The following PPP4R1 variants were observed in gnomAD, a reference collection of about 807,000 sequenced individuals.
PPP4R1 encodes serine/threonine-protein phosphatase 4 regulatory subunit 1.
A neutral mutation model predicts 111.2 loss-of-function variants in PPP4R1; 42 were observed. That is an observed-to-expected ratio of 0.38 (90% CI 0.29 to 0.49). The LOEUF is 0.49. Among genes scored for constraint, PPP4R1 ranks in the 20% least tolerant of loss-of-function variants. The pLI is 0.97. For synonymous variants in PPP4R1, 409 were observed against 405.5 expected (o/e 1.01, Z -0.10); for missense variants, 1,012 against 1,161.6 (o/e 0.87, Z 1.87).
In PPP4R1 at chr18:9,614,374, C is replaced by T. The variant is rs1349160420; in HGVS notation, c.7+104G>A. ...CCCGCCCCGGGGGCGCCTTCCCGCGCCGGGACCCCACGCCGGCCCCGGCCC... is the reference window on the plus strand; with the variant it reads ...CCCGCCCCGGGGGCGCCTTCCCGCGTCGGGACCCCACGCCGGCCCCGGCCC... On this transcript the variant is annotated intron_variant, in intron 1 of 19. Coordinates refer to ENST00000400556, the MANE Select transcript of PPP4R1 (RefSeq NM_001042388.3). The surrounding 1 kb of genome is among the most constrained non-coding windows in gnomAD (Gnocchi z 4.1). 24 of 1,030,990 alleles carry T rather than the reference C, an allele frequency of 2.3e-5. 2 individuals carry two copies. The East Asian group carries it at 1.9e-3, about 81-fold the overall frequency. The allele number at this position is 1,030,990 out of a possible 1,614,324, so 63.9% of individuals were successfully genotyped here. A position where few individuals can be genotyped will look rare whatever the true frequency, so the allele number is the denominator to read the frequency against.
At chr18:9,552,245 A>T (rs1305427345) in intron 16 of PPP4R1, among the ~76,000 whole-genome samples, 1 of 152,140 alleles carries the variant, frequency 6.6e-6, no homozygotes. Flanking sequence ...AGACTTGGAT[A>T]GACATTTCTC....
In PPP4R1 at chr18:9,549,322, T is replaced by A. The variant is rs778314934; in HGVS notation, c.2564A>T (p.Asp855Val). 6.2e-7 allele frequency: 1 copy of A among 1,608,220 alleles called. No homozygotes were observed. Among genetic ancestry groups the A allele is most frequent in the Non-Finnish European group, 8.5e-7 (1 of 1,174,844 alleles). Reference protein sequence around the residue: ...VFVCQTVIEDDCLPMDQFAVH... With the variant: ...VFVCQTVIEDVCLPMDQFAVH... The stretch of plus-strand genomic sequence containing the variant: ...AGCAAACTGGTCCATGGGAAGGCAG[T>A]CATCCTCAATGACAGTCTGGGGAAG... Residue 855 changes from aspartate (D) to valine (V), a missense_variant, in exon 19 of 20, where the codon GAC becomes GTC. Asp to Val is a radical substitution (Grantham distance 152). Around this residue, in one of 2 missense-constraint regions of PPP4R1, gnomAD observed 305 missense variants for 419.5 expected, o/e 0.73. Transcript: ENST00000400556.
chr18:9,572,116 A>G (rs941445926), intron 10 of PPP4R1, among the ~76,000 whole-genome samples: 1 of 152,224 alleles, frequency 6.6e-6, no homozygotes, highest in Non-Finnish European at 1.5e-5. Flanking sequence ...CAAGAAAGCT[A>G]ACAGGTTCAG....
intron 2 of PPP4R1, among the ~76,000 whole-genome samples, chr18:9,606,045 G>A (rs1267069737): frequency 6.6e-6 from 1 of 152,104 alleles, no homozygotes; most frequent in Non-Finnish European, 1.5e-5. Context: ...CTTTTGTATA[G>A]GTCTGAAAGT....
chr18:9,610,964 G>A (rs746324657), intron 2 of PPP4R1, among the ~76,000 whole-genome samples: 1 of 151,392 alleles, frequency 6.6e-6, no homozygotes, highest in Non-Finnish European at 1.5e-5. Flanking sequence ...GTCAGTCTTT[G>A]ACCAACCTTT....
chr18:9,598,001 A>G (rs986420606), intron 2 of PPP4R1, among the ~76,000 whole-genome samples: 1 of 152,200 alleles, frequency 6.6e-6, no homozygotes, highest in African/African-American at 2.4e-5. Context: ...GATACGAAAG[A>G]CCTAAATTGA....
At chr18:9,574,088 C>G (rs2066902228) in intron 10 of PPP4R1, among the ~76,000 whole-genome samples, 1 of 152,134 alleles carries the variant, frequency 6.6e-6, no homozygotes, top group South Asian at 2.1e-4. Context: ...TCCTAATTGT[C>G]AGACTTTGAA....
At chr18:9,564,926 A>G (rs1407063108) in intron 11 of PPP4R1, among the ~76,000 whole-genome samples, 1 of 151,762 alleles carries the variant, frequency 6.6e-6, no homozygotes, top group Non-Finnish European at 1.5e-5. Flanking sequence ...TCACTGAAGC[A>G]CTGAACCCCT....
Position 9,564,712 on chromosome 18 carries a change from G to T in PPP4R1, c.1574-1162C>A, listed in dbSNP as rs12327541. Among the ~76,000 whole-genome samples, 6 of 84,932 alleles carry T rather than the reference G, an allele frequency of 7.1e-5. No individual in the cohort carries two copies. The East Asian group carries it at 1.9e-3, about 27-fold the overall frequency. The allele number at this position is 84,932 out of a possible 152,430, so 55.7% of individuals were successfully genotyped here. ...TAAAGTGCATGGTGTGTGTGTGTGT[G>T]TGTGTGTGTGTGTGTGTGTGTGTGT... On this transcript the variant is annotated intron_variant, in intron 11 of 19. Transcript: ENST00000400556.
chr18:9,587,162 G>A (rs981227109), intron 6 of PPP4R1, among the ~76,000 whole-genome samples: 3 of 152,144 alleles, frequency 2.0e-5, no homozygotes, highest in Admixed American at 1.3e-4. Flanking sequence ...GGGTTCAAGT[G>A]TTTCTTCGTT....
intron 2 of PPP4R1, among the ~76,000 whole-genome samples, chr18:9,600,196 CAA>C (rs57840721): frequency 0.43 from 47,275 of 108,776 alleles, 9,263 homozygotes; most frequent in Non-Finnish European, 0.48. Context: ...TTCTATTTCC[CAA>C]AAAAAAAAAA....
chr18:9,565,261 A>G (rs1028699550), intron 11 of PPP4R1, among the ~76,000 whole-genome samples: 75 of 152,292 alleles, frequency 4.9e-4, no homozygotes, highest in Non-Finnish European at 8.8e-5. Flanking sequence ...AACTTAAATG[A>G]TAAATGTGTG....
At chr18:9,599,019 C>T (rs1232037915) in intron 2 of PPP4R1, among the ~76,000 whole-genome samples, 5 of 151,500 alleles carry the variant, frequency 3.3e-5, no homozygotes, top group African/African-American at 7.3e-5. Flanking sequence ...AAGCAAGACC[C>T]TGTCTCCAGA....
At chr18:9,577,444 C>G (rs538172463) in intron 9 of PPP4R1, among the ~76,000 whole-genome samples, 3 of 152,132 alleles carry the variant, frequency 2.0e-5, no homozygotes, top group African/African-American at 7.2e-5. Flanking sequence ...CTGGGCAGAT[C>G]GCTTGAGTCC....
chr18:9,584,820 G>A lies in PPP4R1; in HGVS notation c.594C>T (p.Cys198=). The A allele has an allele frequency of 6.2e-7, 1 of 1,609,568 alleles. No individual in the cohort carries two copies. The highest frequency in any genetic ancestry group is 8.5e-7 in the Non-Finnish European group (1 of 1,176,986). ...CCTTCCCAACCATGGGAGCCATTTT[G>A]CACATTATCTAAAATAAGTAAGAAC... The part of the protein sequence containing the change: ...DVKTEAVAIM[C]KMAPMVGKDI... The change falls in exon 7 of 20, where the codon TGC becomes TGT. Residue 198 remains cysteine (C), a synonymous_variant. Coordinates refer to ENST00000400556, the MANE Select transcript of PPP4R1 (RefSeq NM_001042388.3).
Position 9,560,849 on chromosome 18 carries a change from G to A in PPP4R1, c.1842+1131C>T, listed in dbSNP as rs142342981. On this transcript the variant is annotated intron_variant, in intron 13 of 19. Coordinates refer to ENST00000400556, the MANE Select transcript of PPP4R1 (RefSeq NM_001042388.3). ...TGCACTCCAGCCTGGGTGACAGAGC[G>A]GAGACCCCATCTCTAACAACAATAA... 1.5e-3 allele frequency among the ~76,000 whole-genome samples: 221 copies of A among 151,144 alleles called. 1 individual carries two copies. The highest frequency in any genetic ancestry group is 2.1e-3 in the Non-Finnish European group (141 of 67,744).
At chr18:9,600,122 G>T (rs193078272) in intron 2 of PPP4R1, among the ~76,000 whole-genome samples, 1 of 148,862 alleles carries the variant, frequency 6.7e-6, no homozygotes, top group Non-Finnish European at 1.5e-5. Flanking sequence ...TATCATGATT[G>T]ATAATCACTT....
chr18:9,578,413 T>A (rs1267697115), intron 9 of PPP4R1, among the ~76,000 whole-genome samples: 1 of 152,058 alleles, frequency 6.6e-6, no homozygotes, highest in African/African-American at 2.4e-5. Flanking sequence ...ATTTTTCTAT[T>A]TTTTTTGCAG....
chr18:9,593,228 T>C (rs1297405014), intron 4 of PPP4R1, among the ~76,000 whole-genome samples: 1 of 152,318 alleles, frequency 6.6e-6, no homozygotes, highest in East Asian at 1.9e-4. Context: ...AAGTTTTAAG[T>C]ATATTTTACT....
Sources: allele counts gnomAD v4.1 joint callset (sites outside exome capture counted in the v4.1 genomes callset), GRCh38; gene constraint gnomAD v4.1.1; regional missense constraint gnomAD v4.1.1; non-coding constraint Gnocchi (gnomAD v3.1); transcripts MANE v1.5; gene names NCBI Gene and HGNC (gene_info 2026-07-23, HGNC 2026-07-21).